The following OR8G5 variants were observed in gnomAD, a reference collection of about 807,000 sequenced individuals.
OR8G5 encodes the protein olfactory receptor 8G5.
For synonymous variants in OR8G5, 147 were observed against 147.7 expected, an observed-to-expected ratio of 1.00 and a Z score of 0.03; for missense variants, 347 against 371.9, an observed-to-expected ratio of 0.93 and a Z score of 0.55.
At chr11:124,259,856 G>A (rs373428855) in intron 1 of OR8G5, among the ~76,000 whole-genome samples, 1 of 151,988 alleles carries the variant, frequency 6.6e-6, no homozygotes, top group Admixed American at 6.6e-5. Flanking sequence ...AAGATGAACT[G>A]TGTCTATAGC....
chr11:124,264,883 T>A (rs1320892579), intron 1 of OR8G5, 35 bp from the exon 2 acceptor site: 1 of 1,609,520 alleles, frequency 6.2e-7, no homozygotes, highest in Non-Finnish European at 8.5e-7. Flanking sequence ...ACAATACAAT[T>A]CACCTAAATA....
At position 124,265,918 on chromosome 11, in the gene OR8G5, T is replaced by C; in HGVS notation, c.*51T>C. ...ATTAGATCTAAGTTTTTGGCTATGA[T>C]ATTGTATGAAATGATGTCTTTCACT... is the stretch of plus-strand genomic sequence containing the variant. On this transcript the variant is annotated 3_prime_UTR_variant, in exon 2 of 2. Transcript: ENST00000641992. 2 of 1,509,940 alleles carry C rather than the reference T, an allele frequency of 1.3e-6. No homozygotes were observed. Among genetic ancestry groups the C allele is most frequent in the East Asian group, 2.4e-5 (1 of 42,322 alleles). 93.5% of individuals were successfully genotyped at this position (1,509,940 alleles called of 1,614,324 possible).
intron 1 of OR8G5, among the ~76,000 whole-genome samples, chr11:124,260,888 C>A (rs981244723): frequency 7.9e-5 from 12 of 151,890 alleles, no homozygotes; most frequent in African/African-American, 2.7e-4. Context: ...ACTATAATCA[C>A]CCTACTGTGT....
intron 1 of OR8G5, 149 bp from the exon 2 acceptor site, chr11:124,264,769 A>G: frequency 1.1e-6 from 1 of 922,456 alleles, no homozygotes; most frequent in Non-Finnish European, 1.6e-6. Context: ...TAGAAAATAA[A>G]GATTACTACA....
intron 1 of OR8G5, among the ~76,000 whole-genome samples, chr11:124,259,000 A>G (rs1417671652): frequency 6.6e-6 from 1 of 152,186 alleles, no homozygotes; most frequent in African/African-American, 2.4e-5. Flanking sequence ...TTATGCTTTT[A>G]TATAAACTAC....
rs1181555469 is a variant in OR8G5 at position 124,264,924 on chromosome 11, A to T, written c.-8A>T. ...TTTTTTCTCTCCCCTGCAGAAACTC[A>T]TCAAAGAATGGCAGCAGAAAACCAT... On this transcript the variant is annotated 5_prime_UTR_variant, in exon 2 of 2. Coordinates refer to ENST00000641992, the MANE Select transcript of OR8G5 (RefSeq NM_001005198.2). The T allele has an allele frequency of 3.1e-6, 5 of 1,613,560 alleles. No homozygotes were observed. Among genetic ancestry groups the T allele is most frequent in the Non-Finnish European group, 4.2e-6 (5 of 1,179,682 alleles).
intron 1 of OR8G5, among the ~76,000 whole-genome samples, chr11:124,261,461 A>C (rs967789068): frequency 2.0e-5 from 3 of 152,002 alleles, no homozygotes; most frequent in Non-Finnish European, 1.5e-5. Context: ...AAATGCTAAC[A>C]AGAGACGAAG....
intron 1 of OR8G5, among the ~76,000 whole-genome samples, chr11:124,260,726 G>T (rs1184399762): frequency 6.6e-6 from 1 of 151,714 alleles, no homozygotes; most frequent in Non-Finnish European, 1.5e-5. Flanking sequence ...ATATTTGTGA[G>T]GTACCTGTGG....
intron 1 of OR8G5, among the ~76,000 whole-genome samples, chr11:124,257,490 C>T (rs987349297): frequency 2.0e-5 from 3 of 152,038 alleles, no homozygotes; most frequent in African/African-American, 7.2e-5. Flanking sequence ...AAGAGGTAGA[C>T]ATTATTTTGT....
rs1335221436 is a variant in OR8G5, at chr11:124,264,978, G to T, written c.47G>T (p.Gly16Val). The change falls in exon 2 of 2, where the codon GGG becomes GTG. Residue 16 changes from glycine (G) to valine (V), a missense_variant. Gly to Val is a moderately radical substitution (Grantham distance 109). Transcript: ENST00000641992. ...TTTGTGACTAAGTTTATTCTGGTTG[G>T]GCTAACAGAGAAGTCAGAGCTACAG... ...HSFVTKFILVGLTEKSELQLP... is the reference protein window; with the variant it reads ...HSFVTKFILVVLTEKSELQLP... 1 of 1,613,848 alleles carries T rather than the reference G, an allele frequency of 6.2e-7. No homozygotes were observed. Among genetic ancestry groups the T allele is most frequent in the South Asian group, 1.1e-5 (1 of 91,072 alleles).
chr11:124,258,006 G>A (rs988972400), intron 1 of OR8G5, among the ~76,000 whole-genome samples: 11 of 151,976 alleles, frequency 7.2e-5, no homozygotes, highest in African/African-American at 2.4e-4. Context: ...TCTTGTACAC[G>A]TACTCCATAT....
intron 1 of OR8G5, among the ~76,000 whole-genome samples, chr11:124,262,674 T>C (rs12577936): frequency 0.37 from 55,491 of 151,022 alleles, 10,391 homozygotes; most frequent in East Asian, 0.47. Flanking sequence ...TATGTACATA[T>C]ACACACACAC....
intron 1 of OR8G5, among the ~76,000 whole-genome samples, chr11:124,260,271 G>A (rs760340615): frequency 8.6e-5 from 13 of 151,984 alleles, no homozygotes; most frequent in South Asian, 6.2e-4. Context: ...TTTTGCAGCC[G>A]CTTGGATGAA....
rs1248501759 is a variant in OR8G5 at position 124,265,588 on chromosome 11, C to A, written c.657C>A (p.Ile219=). The A allele has an allele frequency of 1.2e-6, 2 of 1,613,886 alleles. No individual in the cohort carries two copies. Among genetic ancestry groups the A allele is most frequent in the Admixed American group, 3.3e-5 (2 of 59,998 alleles). ...VPSLTILSSY[I]FIIASILRIR... is the part of the protein sequence containing the mutation. ...GCCTGACCATCCTCAGCTCTTACATCTTCATCATTGCCAGCATCCTCCGCA... is the reference window on the plus strand; with the variant it reads ...GCCTGACCATCCTCAGCTCTTACATATTCATCATTGCCAGCATCCTCCGCA... The change falls in exon 2 of 2, where the codon ATC becomes ATA. Residue 219 remains isoleucine, a synonymous_variant. Transcript: ENST00000641992.
In OR8G5 at chr11:124,265,703, A is replaced by G. The variant is rs1397795292; in HGVS notation, c.772A>G (p.Met258Val). The G allele has an allele frequency of 6.2e-7, 1 of 1,614,034 alleles. No individual in the cohort carries two copies. Among genetic ancestry groups the G allele is most frequent in the Non-Finnish European group, 8.5e-7 (1 of 1,179,922 alleles). The change falls in exon 2 of 2, where the codon ATG becomes GTG. Residue 258 changes from methionine (M) to valine (V), a missense_variant. Physicochemically the swap from Met to Val is conservative, Grantham distance 21. Coordinates refer to ENST00000641992, the MANE Select transcript of OR8G5 (RefSeq NM_001005198.2). The stretch of plus-strand genomic sequence containing the variant: ...TGTTTTCTTTGGGTCTGCAGCATTC[A>G]TGTACCTGCAGCCATCATCTGTCAG... ...VSVFFGSAAF[M>V]YLQPSSVSSM...
chr11:124,258,360 T>G (rs1591394792), intron 1 of OR8G5, among the ~76,000 whole-genome samples: 1 of 151,914 alleles, frequency 6.6e-6, no homozygotes, highest in African/African-American at 2.4e-5. Flanking sequence ...AGTTCGAGAC[T>G]AGCCTGACCA....
Position 124,266,150 on chromosome 11 carries a change from T to C in OR8G5, c.*283T>C. On this transcript the variant is annotated 3_prime_UTR_variant, in exon 2 of 2. Transcript: ENST00000641992. ...AATGCCAGTTACATTCCCTTCCCCC[T>C]TTTCTTTCATGTAATTGATTAAAAC... 2 of 314,754 alleles carry C rather than the reference T, an allele frequency of 6.4e-6. No individual in the cohort carries two copies. Among genetic ancestry groups the C allele is most frequent in the Non-Finnish European group, 5.9e-6 (1 of 170,908 alleles). 19.5% of individuals were successfully genotyped at this position (314,754 alleles called of 1,614,324 possible).
intron 1 of OR8G5, among the ~76,000 whole-genome samples, chr11:124,260,697 A>T (rs929084508): frequency 6.6e-6 from 1 of 151,902 alleles, no homozygotes; most frequent in Admixed American, 6.6e-5. Flanking sequence ...TTAAAAAATT[A>T]GTTGATACAT....
rs762723195 is a variant in OR8G5, at chr11:124,265,738, C to G, written c.807C>G (p.Asp269Glu). 2 of 1,614,086 alleles carry G rather than the reference C, an allele frequency of 1.2e-6. No homozygotes were observed. Among genetic ancestry groups the G allele is most frequent in the Non-Finnish European group, 1.7e-6 (2 of 1,179,976 alleles). The change falls in exon 2 of 2, where the codon GAC becomes GAG. Residue 269 changes from aspartate (D) to glutamate (E), a missense_variant. Asp to Glu is a conservative substitution (Grantham distance 45). Transcript: ENST00000641992. ...YLQPSSVSSM[D>E]QGKVSSVFYT... The stretch of plus-strand genomic sequence containing the variant: ...AGCCATCATCTGTCAGCTCCATGGA[C>G]CAGGGGAAAGTGTCCTCTGTGTTTT...
Sources: allele counts gnomAD v4.1 joint callset (sites outside exome capture counted in the v4.1 genomes callset), GRCh38; gene constraint gnomAD v4.1.1; transcripts MANE v1.5; gene names NCBI Gene and HGNC (gene_info 2026-07-23, HGNC 2026-07-21).